PDE8A: variants seen among roughly 807,000 people sequenced by gnomAD.
PDE8A encodes high affinity cAMP-specific and IBMX-insensitive 3',5'-cyclic phosphodiesterase 8A.
Under a neutral mutation model 105.0 loss-of-function variants are expected in PDE8A, and 59 were observed. The ratio of observed to expected loss-of-function variants is 0.56; its 90% CI spans 0.46 to 0.70. The LOEUF (loss-of-function observed/expected upper bound fraction) is 0.70, where lower values mean the gene tolerates loss of function less well. PDE8A is among the 30% of genes least tolerant of loss of function. PDE8A has a pLI of 0.00. For synonymous variants in PDE8A, 355 were observed against 371.9 expected, an observed-to-expected ratio of 0.95 and a Z score of 0.52; for missense variants, 1,014 against 1,045.9, an observed-to-expected ratio of 0.97 and a Z score of 0.42.
intron 1 of PDE8A, among the ~76,000 whole-genome samples, chr15:84,999,423 C>G (rs934601247): frequency 6.6e-6 from 1 of 152,016 alleles, no homozygotes; most frequent in African/African-American, 2.4e-5. Flanking sequence ...GCGCCTGGCC[C>G]ATATTCCTTA....
At chr15:85,086,829 C>T (rs898689026) in intron 6 of PDE8A, among the ~76,000 whole-genome samples, 1 of 152,052 alleles carries the variant, frequency 6.6e-6, no homozygotes. Context: ...CTGCTCACTG[C>T]AACCTTCACC....
At chr15:85,049,629 G>A (rs564824032) in intron 1 of PDE8A, among the ~76,000 whole-genome samples, 1 of 152,124 alleles carries the variant, frequency 6.6e-6, no homozygotes, top group East Asian at 1.9e-4. Flanking sequence ...TCACTGTGTT[G>A]AGCTCACTCC....
At chr15:85,071,130 G>A (rs563587117) in intron 3 of PDE8A, among the ~76,000 whole-genome samples, 16 of 152,340 alleles carry the variant, frequency 1.1e-4, no homozygotes, top group Middle Eastern at 3.4e-3. Flanking sequence ...CTGTCGTACC[G>A]TGGAGACTAA....
intron 1 of PDE8A, among the ~76,000 whole-genome samples, chr15:85,030,100 G>T (rs942125995): frequency 1.9e-4 from 29 of 152,288 alleles, no homozygotes; most frequent in Middle Eastern, 3.4e-3. Flanking sequence ...ATTCTCACTT[G>T]CATTGAGCTC....
chr15:85,043,659 G>A (rs1449227008), intron 1 of PDE8A, among the ~76,000 whole-genome samples: 1 of 150,040 alleles, frequency 6.7e-6, no homozygotes, highest in Admixed American at 6.7e-5. Flanking sequence ...AGTATTTCAA[G>A]GTATCATGAA....
chr15:85,000,037 G>T (rs959746132), intron 1 of PDE8A, among the ~76,000 whole-genome samples: 1 of 152,168 alleles, frequency 6.6e-6, no homozygotes, highest in African/African-American at 2.4e-5. Flanking sequence ...GAAAACTTGC[G>T]TTCAAATTCT....
At chr15:85,072,699 C>T (rs1251464254) in intron 3 of PDE8A, among the ~76,000 whole-genome samples, 1 of 150,690 alleles carries the variant, frequency 6.6e-6, no homozygotes, top group Admixed American at 6.6e-5. Context: ...CCTGGACTGT[C>T]TCCTCTGCAC....
At chr15:85,007,360 G>C (rs1480931714) in intron 1 of PDE8A, among the ~76,000 whole-genome samples, 1 of 151,128 alleles carries the variant, frequency 6.6e-6, no homozygotes, top group Non-Finnish European at 1.5e-5. Context: ...AGGCAAAACA[G>C]ATCTGTGCTG....
At chr15:84,985,520 T>G (rs2079788265) in intron 1 of PDE8A, among the ~76,000 whole-genome samples, 2 of 152,204 alleles carry the variant, frequency 1.3e-5, no homozygotes, top group South Asian at 4.1e-4. Context: ...AGGACTTGAG[T>G]TGCCCTTGAA....
At chr15:85,032,246 C>A (rs2080627902) in intron 1 of PDE8A, among the ~76,000 whole-genome samples, 1 of 152,196 alleles carries the variant, frequency 6.6e-6, no homozygotes, top group Non-Finnish European at 1.5e-5. Context: ...AGTAGAAGCT[C>A]ACCTCTAGAT....
intron 16 of PDE8A, chr15:85,116,344 G>A (rs923961169): frequency 1.9e-6 from 1 of 529,964 alleles, no homozygotes; most frequent in African/African-American, 1.9e-5. Context: ...CTGAGCCAGT[G>A]ACTTCTCCAA....
At chr15:85,047,844 C>G (rs912517256) in intron 1 of PDE8A, among the ~76,000 whole-genome samples, 2 of 152,152 alleles carry the variant, frequency 1.3e-5, no homozygotes, top group African/African-American at 4.8e-5. Flanking sequence ...GTGACCAACA[C>G]TATGTAAATA....
chr15:84,980,924 T>C (rs1208136255), upstream of PDE8A, among the ~76,000 whole-genome samples: 1 of 152,154 alleles, frequency 6.6e-6, no homozygotes, highest in African/African-American at 2.4e-5. Flanking sequence ...CGCGCCAGGT[T>C]TTGGCCTGCG....
chr15:85,136,544 A>C lies in PDE8A; in HGVS notation c.2264A>C (p.Glu755Ala). 1 of 1,613,398 alleles carries C rather than the reference A, an allele frequency of 6.2e-7. No homozygotes were observed. The highest frequency in any genetic ancestry group is 8.5e-7 in the Non-Finnish European group (1 of 1,179,672). ...SEEYFSQTDE[E>A]KQQGLPVVMP... is the part of the protein sequence containing the mutation. Reference sequence around the variant, plus strand: ...TTTTCTGCTTTACAGACTGATGAAGAGAAGCAGCAGGGCTTACCTGTGGTG... The same window carrying C: ...TTTTCTGCTTTACAGACTGATGAAGCGAAGCAGCAGGGCTTACCTGTGGTG... Residue 755 changes from glutamate to alanine, a missense_variant, in exon 21 of 22, where the codon GAG (glutamate) becomes GCG (alanine). Glu to Ala is a moderately radical substitution (Grantham distance 107, BLOSUM62 -1). Coordinates refer to ENST00000394553, the MANE Select transcript of PDE8A (RefSeq NM_002605.3).
intron 11 of PDE8A, among the ~76,000 whole-genome samples, chr15:85,107,624 C>T (rs1185255360): frequency 6.6e-6 from 1 of 152,104 alleles, no homozygotes; most frequent in Non-Finnish European, 1.5e-5. Context: ...TGGATGACTT[C>T]TGTCTACCTT....
At chr15:85,058,745 A>G (rs561693186) in intron 1 of PDE8A, among the ~76,000 whole-genome samples, 1 of 152,262 alleles carries the variant, frequency 6.6e-6, no homozygotes, top group East Asian at 1.9e-4. Context: ...ATTGGTAGCA[A>G]TGTCCCTACT....
intron 6 of PDE8A, among the ~76,000 whole-genome samples, chr15:85,087,438 G>C (rs1047734080): frequency 6.6e-6 from 1 of 152,146 alleles, no homozygotes; most frequent in African/African-American, 2.4e-5. Context: ...GGACTCAAGC[G>C]ATCTGCCTAC....
At chr15:85,106,359 A>G (rs1226311434) in intron 11 of PDE8A, among the ~76,000 whole-genome samples, 1 of 151,898 alleles carries the variant, frequency 6.6e-6, no homozygotes, top group Non-Finnish European at 1.5e-5. Context: ...TAGTTTACCC[A>G]CCCTTTTCCC....
intron 1 of PDE8A, among the ~76,000 whole-genome samples, chr15:84,982,633 C>G (rs376626073): frequency 5.9e-5 from 9 of 152,114 alleles, no homozygotes; most frequent in East Asian, 3.9e-4. Context: ...CGGCGGGGCC[C>G]GATGTGAAGT....
Sources: gnomAD v4.1 joint callset for allele counts (sites outside exome capture counted in the v4.1 genomes callset) on GRCh38, gnomAD v4.1.1 for gene constraint, MANE v1.5 for transcripts, NCBI Gene and HGNC (gene_info 2026-07-23, HGNC 2026-07-21) for gene names.